FAM107B: variants seen among roughly 807,000 people sequenced by gnomAD.
FAM107B encodes the protein protein FAM107B.
In FAM107B, 21 loss-of-function variants were observed where a neutral mutation model predicts 31.5. The ratio of observed to expected loss-of-function variants is 0.67; its 90% CI spans 0.47 to 0.96. The LOEUF (loss-of-function observed/expected upper bound fraction) is 0.96. Ranked by LOEUF, FAM107B falls within the 40% of genes least tolerant of loss-of-function variation. The probability of loss-of-function intolerance (pLI) is 0.00; values close to 1 mark genes in which losing one functional copy is unlikely to be tolerated. For synonymous variants in FAM107B, 157 were observed against 141.5 expected (o/e 1.11, Z -0.78); for missense variants, 452 against 377.1 (o/e 1.20, Z -1.64).
chr10:14,588,038 A>G (rs1851899610), intron 2 of FAM107B, among the ~76,000 whole-genome samples: 2 of 152,200 alleles, frequency 1.3e-5, no homozygotes, highest in South Asian at 2.1e-4. Context: ...AGTAAAAAAT[A>G]ATTTACTTCC....
chr10:14,766,132 T>A (rs1456583325), intron 1 of FAM107B, among the ~76,000 whole-genome samples: 2 of 152,220 alleles, frequency 1.3e-5, no homozygotes, highest in African/African-American at 4.8e-5. Flanking sequence ...CCAAGAGCTT[T>A]TCTGTTAATA....
Position 14,771,356 on chromosome 10 carries a change from G to C in FAM107B, c.411+2897C>G, listed in dbSNP as rs138010430. 2.6e-5 allele frequency among the ~76,000 whole-genome samples: 4 copies of C among 152,326 alleles called. No homozygotes were observed. The East Asian group carries it at 7.7e-4, about 29-fold the overall frequency. ...AATAGTTATTGAATATCATTAAGAG[G>C]AGTTGGTTACTGGATACAAAAGTAC... On this transcript the variant is annotated intron_variant, in intron 1 of 4. Coordinates refer to ENST00000181796, the MANE Select transcript of FAM107B (RefSeq NM_031453.4).
In FAM107B at chr10:14,667,679, G is replaced by T. The variant is rs111681891; in HGVS notation, c.424C>A (p.Arg142=). The change falls in exon 2 of 5, where the codon CGA becomes AGA. Residue 142 remains arginine, a synonymous_variant. Transcript: ENST00000181796. ...AGCTCGAGGCATTTAGGTTCTTCTC[G>T]AAATTCTTCTTCCTAAGCGCCAGCC... ...IIDTPKEEEF[R]EEPKCLELEQ... is the part of the protein sequence containing the mutation. 4 of 1,613,968 alleles carry T rather than the reference G, an allele frequency of 2.5e-6. No individual in the cohort carries two copies. In the Admixed American group the frequency reaches 5.0e-5, roughly 20 times the overall value.
chr10:14,693,224 C>G (rs1336113957), intron 1 of FAM107B, among the ~76,000 whole-genome samples: 2 of 151,992 alleles, frequency 1.3e-5, no homozygotes, highest in African/African-American at 4.8e-5. Flanking sequence ...GCCTGTAATC[C>G]CAGCACTTTG....
chr10:14,718,402 GAA>G (rs1185433774), intron 1 of FAM107B, among the ~76,000 whole-genome samples: 2 of 141,852 alleles, frequency 1.4e-5, no homozygotes, highest in African/African-American at 5.2e-5. Context: ...AGGAAAGGAA[GAA>G]AGAAAGAGGA....
chr10:14,665,906 AT>A (rs1290570380), intron 2 of FAM107B, among the ~76,000 whole-genome samples: 5 of 151,804 alleles, frequency 3.3e-5, no homozygotes, highest in South Asian at 2.1e-4. Flanking sequence ...GCCATGTCAT[AT>A]TTTTTTTCAT....
intron 1 of FAM107B, among the ~76,000 whole-genome samples, chr10:14,730,085 G>A (rs1320682952): frequency 1.3e-5 from 2 of 152,194 alleles, no homozygotes; most frequent in Admixed American, 6.5e-5. Context: ...AATACCTAAT[G>A]TATGCAGGGC....
At chr10:14,630,924 T>C (rs1169091999) in intron 2 of FAM107B, among the ~76,000 whole-genome samples, 4 of 152,080 alleles carry the variant, frequency 2.6e-5, no homozygotes, top group Admixed American at 2.0e-4. Context: ...CTTCAAATGC[T>C]ATTGTCTGAA....
intron 1 of FAM107B, chr10:14,723,397 CT>C: frequency 1.8e-6 from 1 of 551,126 alleles, no homozygotes; most frequent in Non-Finnish European, 3.6e-6. Context: ...TGGTCACAGC[CT>C]TTTCAGCAGC....
At position 14,652,520 on chromosome 10, in the gene FAM107B, A is replaced by C. The variant is rs77227009; in HGVS notation, c.469+15114T>G. ...GCAACCTTGGTTAAATTAACTTTTA[A>C]AGCTTGAGTTTTCTTACCTGCAAAG... On this transcript the variant is annotated intron_variant, in intron 2 of 4. Transcript: ENST00000181796. 9.8e-5 allele frequency among the ~76,000 whole-genome samples: 15 copies of C among 152,288 alleles called. No individual in the cohort carries two copies. The East Asian group carries it at 2.9e-3, about 29-fold the overall frequency.
At chr10:14,570,760 C>A (rs1213556210) in intron 2 of FAM107B, among the ~76,000 whole-genome samples, 1 of 151,610 alleles carries the variant, frequency 6.6e-6, no homozygotes, top group Admixed American at 6.6e-5. Flanking sequence ...TAAGACTGCA[C>A]CACTGCACTC....
intron 2 of FAM107B, among the ~76,000 whole-genome samples, chr10:14,582,950 G>A (rs1175076226): frequency 6.6e-6 from 1 of 151,952 alleles, no homozygotes; most frequent in Non-Finnish European, 1.5e-5. Flanking sequence ...GCCGGGCAGA[G>A]TGGCGTGCCC....
chr10:14,661,540 T>A (rs1159354735), intron 2 of FAM107B: 2 of 152,246 alleles, frequency 1.3e-5, no homozygotes, highest in Non-Finnish European at 2.9e-5. Context: ...ACTGACACCA[T>A]TGGCTCTCCT....
chr10:14,710,021 G>T (rs1386541643), intron 1 of FAM107B, among the ~76,000 whole-genome samples: 1 of 152,040 alleles, frequency 6.6e-6, no homozygotes, highest in Non-Finnish European at 1.5e-5. Flanking sequence ...TTAGACATTT[G>T]TCCAAACCCA....
chr10:14,690,237 C>T (rs578238357), intron 1 of FAM107B, among the ~76,000 whole-genome samples: 1 of 152,324 alleles, frequency 6.6e-6, no homozygotes, highest in African/African-American at 2.4e-5. Context: ...GAGGTCAAGA[C>T]ACTTACTCCA....
chr10:14,537,574 T>G (rs1283200198), intron 2 of FAM107B, among the ~76,000 whole-genome samples: 1 of 152,140 alleles, frequency 6.6e-6, no homozygotes, highest in Non-Finnish European at 1.5e-5. Flanking sequence ...CTGCGGTGGC[T>G]CATACCTGTA....
intron 1 of FAM107B, among the ~76,000 whole-genome samples, chr10:14,730,786 G>A (rs1175777072): frequency 6.6e-6 from 1 of 152,176 alleles, no homozygotes; most frequent in African/African-American, 2.4e-5. Flanking sequence ...GGAATGTTCT[G>A]ATTTTAGCCC....
rs748945711 is a variant in FAM107B, at chr10:14,774,696, G to A, written c.-33C>T. On this transcript the variant is annotated 5_prime_UTR_variant, in exon 1 of 5. Coordinates refer to ENST00000181796, the MANE Select transcript of FAM107B (RefSeq NM_031453.4). The stretch of plus-strand genomic sequence containing the variant: ...AGTGAATCATTGCAAAGTTCAAACG[G>A]GGCAAGGAAATTTTCCAGGGGTCCA... 6.3e-7 allele frequency: 1 copy of A among 1,585,352 alleles called. No individual in the cohort carries two copies. The highest frequency in any genetic ancestry group is 8.6e-7 in the Non-Finnish European group (1 of 1,164,278).
chr10:14,581,598 G>A (rs1274928912), intron 2 of FAM107B, among the ~76,000 whole-genome samples: 5 of 152,214 alleles, frequency 3.3e-5, no homozygotes, highest in Non-Finnish European at 7.3e-5. Context: ...CACACCAGGA[G>A]CAGTTTTAAA....
Sources: gnomAD v4.1 joint callset for allele counts (sites outside exome capture counted in the v4.1 genomes callset) on GRCh38, gnomAD v4.1.1 for gene constraint, MANE v1.5 for transcripts, NCBI Gene and HGNC (gene_info 2026-07-23, HGNC 2026-07-21) for gene names.